Variants in KCNIP4 observed in about 807,000 individuals in gnomAD.
KCNIP4 encodes Kv channel-interacting protein 4.
KCNIP4 carries 12 observed loss-of-function variants against 34.0 expected under a neutral mutation model. The ratio of observed to expected loss-of-function variants is 0.35; its 90% CI spans 0.23 to 0.57. The LOEUF (loss-of-function observed/expected upper bound fraction) is 0.57, where lower values mean the gene tolerates loss of function less well. Among genes scored for constraint, KCNIP4 ranks in the 20% least tolerant of loss-of-function variants. The probability of loss-of-function intolerance (pLI) is 0.83; values close to 1 mark genes in which losing one functional copy is unlikely to be tolerated. For synonymous variants in KCNIP4, 124 were observed against 102.2 expected, an observed-to-expected ratio of 1.21 and a Z score of -1.29; for missense variants, 238 against 311.7, an observed-to-expected ratio of 0.76 and a Z score of 1.78.
chr4:21,192,808 C>A (rs1755746311), intron 1 of KCNIP4, among the ~76,000 whole-genome samples: 1 of 151,854 alleles, frequency 6.6e-6, no homozygotes, highest in Non-Finnish European at 1.5e-5. Context: ...GTAATCCCAG[C>A]ACTTTGGGAG....
chr4:21,334,565 A>C (rs1051202468), intron 1 of KCNIP4, among the ~76,000 whole-genome samples: 2 of 152,072 alleles, frequency 1.3e-5, no homozygotes, highest in South Asian at 4.1e-4. Flanking sequence ...TGTACAACTG[A>C]ATGATTTTTA....
At chr4:20,855,026 T>C (rs1202498509) in intron 2 of KCNIP4, among the ~76,000 whole-genome samples, 1 of 152,224 alleles carries the variant, frequency 6.6e-6, no homozygotes, top group Non-Finnish European at 1.5e-5. Flanking sequence ...TGCGAAGACC[T>C]GTAACAAGGA....
In KCNIP4 at chr4:21,816,634, T is replaced by G. The variant is rs1433954638; in HGVS notation, c.61+131937A>C. The stretch of plus-strand genomic sequence containing the variant: ...ACCCTTAAACTGGGAAGTCTCTTAC[T>G]ATTTTCTCATCTTCCTGCCATCCTC... On this transcript the variant is annotated intron_variant, in intron 1 of 8. Transcript: ENST00000382152. Among the ~76,000 whole-genome samples the G allele has an allele frequency of 2.6e-5, 4 of 152,176 alleles. No individual in the cohort carries two copies. The East Asian group carries it at 7.7e-4, about 29-fold the overall frequency.
intron 1 of KCNIP4, 36 bp from the exon 2 acceptor site, chr4:20,882,745 T>C: frequency 6.5e-7 from 1 of 1,533,410 alleles, no homozygotes; most frequent in South Asian, 1.1e-5. Context: ...TAATGCTGTC[T>C]GCAGAGAGAA....
intron 3 of KCNIP4, among the ~76,000 whole-genome samples, chr4:20,781,014 A>T (rs1477926062): frequency 6.6e-6 from 1 of 152,166 alleles, no homozygotes; most frequent in Non-Finnish European, 1.5e-5. Flanking sequence ...GTGCTTTGGG[A>T]GATAACCACC....
At chr4:21,751,060 T>C (rs1007591403) in intron 1 of KCNIP4, among the ~76,000 whole-genome samples, 4 of 152,102 alleles carry the variant, frequency 2.6e-5, no homozygotes, top group Non-Finnish European at 4.4e-5. Context: ...TTGAGCCTGA[T>C]CTCATGGAAA....
chr4:21,335,669 C>A (rs1716110054), intron 1 of KCNIP4, among the ~76,000 whole-genome samples: 1 of 152,176 alleles, frequency 6.6e-6, no homozygotes, highest in South Asian at 2.1e-4. Context: ...ATCCAAGTAA[C>A]TACTGTTACC....
intron 3 of KCNIP4, among the ~76,000 whole-genome samples, chr4:20,803,527 T>C (rs1714635298): frequency 7.0e-6 from 1 of 142,968 alleles, no homozygotes; most frequent in Non-Finnish European, 1.5e-5. Flanking sequence ...TGTGGTGTCA[T>C]GTGCCTGTAG....
chr4:21,420,456 T>A (rs1560387872), intron 1 of KCNIP4, among the ~76,000 whole-genome samples: 1 of 152,182 alleles, frequency 6.6e-6, no homozygotes, highest in South Asian at 2.1e-4. Context: ...GATACATACA[T>A]CAGATAAATC....
At chr4:21,355,919 C>T (rs1259037546) in intron 1 of KCNIP4, among the ~76,000 whole-genome samples, 1 of 152,158 alleles carries the variant, frequency 6.6e-6, no homozygotes, top group East Asian at 1.9e-4. Context: ...TACTGGCAAA[C>T]CGAATCCAGC....
At chr4:21,534,692 G>T (rs1209646346) in intron 1 of KCNIP4, among the ~76,000 whole-genome samples, 1 of 152,088 alleles carries the variant, frequency 6.6e-6, no homozygotes, top group East Asian at 1.9e-4. Context: ...ATGAGGGGCT[G>T]CTGAATGACT....
At chr4:21,833,559 G>C (rs1353374286) in intron 1 of KCNIP4, among the ~76,000 whole-genome samples, 1 of 152,162 alleles carries the variant, frequency 6.6e-6, no homozygotes, top group African/African-American at 2.4e-5. Context: ...CACTCTGATA[G>C]TAGTTTGTTT....
At chr4:21,326,599 C>G (rs1423028325) in intron 1 of KCNIP4, among the ~76,000 whole-genome samples, 1 of 150,938 alleles carries the variant, frequency 6.6e-6, no homozygotes, top group Non-Finnish European at 1.5e-5. Flanking sequence ...CAGTCGTCTA[C>G]TCTGTCTTTT....
chr4:21,546,994 T>C (rs1670565114), intron 1 of KCNIP4, among the ~76,000 whole-genome samples: 1 of 152,202 alleles, frequency 6.6e-6, no homozygotes, highest in Admixed American at 6.6e-5. Context: ...TTTCTCTTCC[T>C]TTCTACCACG....
At chr4:21,256,994 G>T (rs1428600880) in intron 1 of KCNIP4, among the ~76,000 whole-genome samples, 2 of 152,126 alleles carry the variant, frequency 1.3e-5, no homozygotes, top group African/African-American at 2.4e-5. Flanking sequence ...CTAGGACTTT[G>T]CTTTGGTCAT....
chr4:21,663,363 C>T (rs1312559078), intron 1 of KCNIP4, among the ~76,000 whole-genome samples: 2 of 152,064 alleles, frequency 1.3e-5, no homozygotes, highest in Non-Finnish European at 2.9e-5. Flanking sequence ...CTGTGAAAAG[C>T]TGATGCCTGT....
chr4:21,466,472 T>C lies in KCNIP4; in HGVS notation c.61+482099A>G, dbSNP rs555506551. ...TTATCTGGCATTTTATCAACAAATA[T>C]CATTCATTAACTAACATTTTCCCTG... On this transcript the variant is annotated intron_variant, in intron 1 of 8. Coordinates refer to ENST00000382152, the MANE Select transcript of KCNIP4 (RefSeq NM_025221.6). 7.6e-4 allele frequency among the ~76,000 whole-genome samples: 116 copies of C among 152,270 alleles called. No individual in the cohort carries two copies. In the South Asian group the frequency reaches 0.023, roughly 31 times the overall value.
chr4:21,222,589 T>A (rs1403669283), intron 1 of KCNIP4, among the ~76,000 whole-genome samples: 1 of 152,218 alleles, frequency 6.6e-6, no homozygotes, highest in Non-Finnish European at 1.5e-5. Flanking sequence ...ACTGTTAACA[T>A]GTTTTTAAAT....
At chr4:21,559,769 C>A (rs545936439) in intron 1 of KCNIP4, among the ~76,000 whole-genome samples, 11 of 152,122 alleles carry the variant, frequency 7.2e-5, no homozygotes, top group African/African-American at 2.7e-4. Flanking sequence ...TATTATTAGT[C>A]GATGGTTCCA....
Sources: allele counts gnomAD v4.1 joint callset (sites outside exome capture counted in the v4.1 genomes callset), GRCh38; gene constraint gnomAD v4.1.1; transcripts MANE v1.5; gene names NCBI Gene and HGNC (gene_info 2026-07-23, HGNC 2026-07-21).